The following TAF5 variants were observed in gnomAD, a reference collection of about 807,000 sequenced individuals.
TAF5 encodes the protein TATA-box binding protein associated factor 5.
In TAF5, 20 loss-of-function variants were observed where a neutral mutation model predicts 80.9. The ratio of observed to expected loss-of-function variants is 0.25; its 90% confidence interval spans 0.17 to 0.36. TAF5 has a LOEUF of 0.36. Ranked by LOEUF, TAF5 falls within the 10% of genes least tolerant of loss-of-function variation. The pLI is 1.00. For missense variants in TAF5, 863 were observed against 1,029.4 expected, an observed-to-expected ratio of 0.84 and a Z score of 2.21; for synonymous variants, 388 against 406.4, an observed-to-expected ratio of 0.95 and a Z score of 0.55.
chr10:103,378,632 C>G lies in TAF5; in HGVS notation c.1113+82C>G. On this transcript the variant is annotated intron_variant, in intron 3 of 10. Transcript: ENST00000369839. The surrounding 1 kb of genome is among the most constrained non-coding windows in gnomAD (Gnocchi z 4.1). ...CCATCTACATAAGTTACACATTTTT[C>G]TTATAGCTAGCTTGGAAACAATTTT... is the stretch of plus-strand genomic sequence containing the variant. The G allele has an allele frequency of 7.0e-7, 1 of 1,427,186 alleles. No individual in the cohort carries two copies. Among genetic ancestry groups the G allele is most frequent in the Non-Finnish European group, 9.4e-7 (1 of 1,068,320 alleles). 88.4% of individuals were successfully genotyped at this position (1,427,186 alleles called of 1,614,324 possible). A position where few individuals can be genotyped will look rare whatever the true frequency, so the allele number is the denominator to read the frequency against.
chr10:103,379,855 G>C (rs200019466), intron 4 of TAF5, 29 bp from the exon 5 acceptor site: 1 of 1,606,684 alleles, frequency 6.2e-7, no homozygotes, highest in East Asian at 2.2e-5. Context: ...TAGTCAAAAG[G>C]TAATTTTGAC....
chr10:103,368,138 A>T lies in TAF5; in HGVS notation c.149A>T (p.Asn50Ile). 1 of 1,397,856 alleles carries T rather than the reference A, an allele frequency of 7.2e-7. No individual in the cohort carries two copies. Among genetic ancestry groups the T allele is most frequent in the Non-Finnish European group, 9.3e-7 (1 of 1,076,016 alleles). 86.6% of individuals were successfully genotyped at this position (1,397,856 alleles called of 1,614,324 possible). A position where few individuals can be genotyped will look rare whatever the true frequency, so the allele number is the denominator to read the frequency against. The change falls in exon 1 of 11, where the codon AAC (asparagine) becomes ATC (isoleucine). Residue 50 changes from asparagine to isoleucine, a missense_variant. By Grantham distance (149) the Asn-to-Ile change is moderately radical. Transcript: ENST00000369839. ...AACGGCCCCAACGGCGGCGGCGGGA[A>T]CGTTGCGGCGTCGTCGTCCACTGGC... ...TNNGPNGGGGNVAASSSTGGD... is the reference protein window; with the variant it reads ...TNNGPNGGGGIVAASSSTGGD...
At chr10:103,371,543 G>T (rs949921877) in intron 1 of TAF5, among the ~76,000 whole-genome samples, 2 of 152,194 alleles carry the variant, frequency 1.3e-5, no homozygotes, top group Admixed American at 1.3e-4. Context: ...TTAATTGACA[G>T]ATGTATTGTT....
chr10:103,386,813 G>A (rs1172970380), intron 8 of TAF5, among the ~76,000 whole-genome samples: 2 of 152,090 alleles, frequency 1.3e-5, no homozygotes, highest in Middle Eastern at 3.4e-3. Context: ...ACAGGCGTGC[G>A]CCACCATGCC....
At chr10:103,381,300 T>G (rs1217313076) in intron 5 of TAF5, among the ~76,000 whole-genome samples, 1 of 151,914 alleles carries the variant, frequency 6.6e-6, no homozygotes, top group African/African-American at 2.4e-5. Flanking sequence ...GGAGTCTCAC[T>G]CTGTCGCCCA....
chr10:103,378,653 A>AT lies in TAF5; in HGVS notation c.1113+110dup. The AT allele has an allele frequency of 7.5e-7, 1 of 1,337,996 alleles. No homozygotes were observed. Among genetic ancestry groups the AT allele is most frequent in the Non-Finnish European group, 1.0e-6 (1 of 996,594 alleles). 82.9% of individuals were successfully genotyped at this position (1,337,996 alleles called of 1,614,324 possible). On this transcript the variant is annotated intron_variant, in intron 3 of 10. Transcript: ENST00000369839. The surrounding 1 kb of genome is among the most constrained non-coding windows in gnomAD (Gnocchi z 4.1). ...TTTTCTTATAGCTAGCTTGGAAACAATTTTTTTCGTTTGTTTGTTTTGAGA... is the reference window on the plus strand; with the variant it reads ...TTTTCTTATAGCTAGCTTGGAAACAATTTTTTTTCGTTTGTTTGTTTTGAGA...
intron 1 of TAF5, among the ~76,000 whole-genome samples, chr10:103,370,044 C>T (rs929284661): frequency 4.6e-5 from 7 of 151,624 alleles, no homozygotes; most frequent in Admixed American, 3.9e-4. Context: ...CCAGGCTGGC[C>T]GACATGGCGA....
At chr10:103,370,026 G>GT (rs2093355536) in intron 1 of TAF5, among the ~76,000 whole-genome samples, 1 of 151,866 alleles carries the variant, frequency 6.6e-6, no homozygotes, top group Admixed American at 6.6e-5. Context: ...GAGGTCAGGA[G>GT]TTTGAGACCA....
rs183506725 is a variant in TAF5, at chr10:103,378,584, G to A, written c.1113+34G>A. 1.3e-6 allele frequency: 2 copies of A among 1,548,784 alleles called. No homozygotes were observed. Among genetic ancestry groups the A allele is most frequent in the Admixed American group, 4.0e-5 (2 of 49,740 alleles). ...ATGAACCTAAGAACTCTATAATGCA[G>A]ATTATGAAAAATTGTAGCATTTCCA... On this transcript the variant is annotated intron_variant, in intron 3 of 10. Transcript: ENST00000369839. The surrounding 1 kb of genome is among the most constrained non-coding windows in gnomAD (Gnocchi z 4.1).
intron 2 of TAF5, 52 bp downstream of exon 2, chr10:103,373,647 G>A: frequency 1.5e-6 from 2 of 1,315,750 alleles, no homozygotes; most frequent in Non-Finnish European, 2.1e-6. Context: ...GTGTGTGTGT[G>A]TGCGTGCATA....
intron 6 of TAF5, among the ~76,000 whole-genome samples, chr10:103,382,310 C>G (rs1234438832): frequency 6.6e-6 from 1 of 152,082 alleles, no homozygotes; most frequent in Non-Finnish European, 1.5e-5. Context: ...CTCTACCTCC[C>G]AGGTTCAAGG....
Position 103,385,331 on chromosome 10 carries a change from A to G in TAF5, c.1670A>G (p.Tyr557Cys). The change falls in exon 8 of 11, where the codon TAT (tyrosine) becomes TGT (cysteine). Residue 557 changes from tyrosine to cysteine, a missense_variant. By Grantham distance (194) the Tyr-to-Cys change is radical (BLOSUM62 -2). Transcript: ENST00000369839. ...YGASFSPDRN[Y>C]LLSSSEDGTV... Reference sequence around the variant, plus strand: ...ATCACCTTCTCTTCTCTCAGGAACTATCTGCTTTCCTCTTCAGAGGACGGA... The same window carrying G: ...ATCACCTTCTCTTCTCTCAGGAACTGTCTGCTTTCCTCTTCAGAGGACGGA... 1.2e-6 allele frequency: 2 copies of G among 1,607,504 alleles called. No homozygotes were observed. Among genetic ancestry groups the G allele is most frequent in the Non-Finnish European group, 1.7e-6 (2 of 1,174,726 alleles).
intron 9 of TAF5, 52 bp downstream of exon 9, chr10:103,387,404 A>AT: frequency 6.4e-7 from 1 of 1,558,320 alleles, no homozygotes; most frequent in Non-Finnish European, 8.7e-7. Flanking sequence ...CAAAATAAAA[A>AT]TATTTTTTAA....
rs747799552 is a variant in TAF5 at position 103,373,578 on chromosome 10, A to G, written c.780A>G (p.Ala260=). 1.7e-5 allele frequency: 27 copies of G among 1,612,878 alleles called. 1 individual carries two copies. The highest frequency in any genetic ancestry group is 2.2e-5 in the Non-Finnish European group (26 of 1,179,184). ...ELVYNQHENE[A]KSFFEKFHGD... Reference sequence around the variant, plus strand: ...TCTACAATCAACATGAGAATGAAGCAAAGTCATTCTTTGAGAAGTATGTAA... The same window carrying G: ...TCTACAATCAACATGAGAATGAAGCGAAGTCATTCTTTGAGAAGTATGTAA... Residue 260 remains alanine (A), a synonymous_variant, in exon 2 of 11, where the codon GCA becomes GCG. Transcript: ENST00000369839.
At chr10:103,385,613 C>A in intron 8 of TAF5, 123 bp downstream of exon 8, 1 of 1,148,430 alleles carries the variant, frequency 8.7e-7, no homozygotes, top group Non-Finnish European at 1.2e-6. Context: ...TTCTGAGAAG[C>A]TTTTGCATTT....
In TAF5 at chr10:103,369,971, C is replaced by G. The variant is rs2093355399; in HGVS notation, c.559+1423C>G. Among the ~76,000 whole-genome samples, 2 of 151,944 alleles carry G rather than the reference C, an allele frequency of 1.3e-5. 1 individual carries two copies. The highest frequency in any genetic ancestry group is 4.1e-4 in the South Asian group (2 of 4,822). ...ATTGGCCGGGCGTCGTGGCTCATGC[C>G]TGTGAATCTCAGCACTTTGGGAGGC... is the stretch of plus-strand genomic sequence containing the variant. On this transcript the variant is annotated intron_variant, in intron 1 of 10. Transcript: ENST00000369839.
chr10:103,388,477 A>G lies in TAF5; in HGVS notation c.*254A>G, dbSNP rs1048710690. On this transcript the variant is annotated 3_prime_UTR_variant, in exon 11 of 11. Transcript: ENST00000369839. ...TTTATGGTGCTTTGGATTGTGTGGA[A>G]ACTATGCATTTTCTGTTCAAATGCT... 2.9e-5 allele frequency: 9 copies of G among 306,338 alleles called. No homozygotes were observed. The highest frequency in any genetic ancestry group is 4.8e-5 in the Non-Finnish European group (8 of 166,104). The allele number at this position is 306,338 out of a possible 1,614,324, so 19.0% of individuals were successfully genotyped here. A position where few individuals can be genotyped will look rare whatever the true frequency, so the allele number is the denominator to read the frequency against.
intron 7 of TAF5, among the ~76,000 whole-genome samples, chr10:103,383,847 G>T (rs763431535): frequency 6.6e-6 from 1 of 151,930 alleles, no homozygotes; most frequent in African/African-American, 2.4e-5. Context: ...CAAAGTGCTG[G>T]GATTACAGGC....
intron 2 of TAF5, among the ~76,000 whole-genome samples, chr10:103,375,400 GC>G (rs1463041613): frequency 1.3e-5 from 2 of 152,122 alleles, no homozygotes; most frequent in Non-Finnish European, 2.9e-5. Flanking sequence ...CAGTTTTCTG[GC>G]CGTTCTAGCT....
Sources: gnomAD v4.1 joint callset for allele counts (sites outside exome capture counted in the v4.1 genomes callset) on GRCh38, gnomAD v4.1.1 for gene constraint, Gnocchi (gnomAD v3.1) non-coding constraint, MANE v1.5 for transcripts, NCBI Gene and HGNC (gene_info 2026-07-23, HGNC 2026-07-21) for gene names.